The following FOCAD variants were observed in gnomAD, a reference collection of about 807,000 sequenced individuals.
FOCAD encodes the protein KIAA1797.
A neutral mutation model predicts 225.6 loss-of-function variants in FOCAD; 198 were observed. The ratio of observed to expected loss-of-function variants is 0.88; its 90% CI spans 0.78 to 0.99. The LOEUF (loss-of-function observed/expected upper bound fraction) is 0.99, where lower values mean the gene tolerates loss of function less well. Among genes scored for constraint, FOCAD ranks in the 50% least tolerant of loss-of-function variants. FOCAD has a pLI of 0.00. For missense variants in FOCAD, 2,713 were observed against 2,123.6 expected, an observed-to-expected ratio of 1.28 and a Z score of -5.46; for synonymous variants, 897 against 755.0, an observed-to-expected ratio of 1.19 and a Z score of -3.08.
At chr9:20,817,480 T>C (rs2131393280) in intron 11 of FOCAD, among the ~76,000 whole-genome samples, 1 of 152,284 alleles carries the variant, frequency 6.6e-6, no homozygotes, top group East Asian at 1.9e-4. Flanking sequence ...CCATAATGTT[T>C]TCAAGGTTCA....
chr9:20,807,727 T>A (rs531441943), intron 11 of FOCAD, among the ~76,000 whole-genome samples: 2 of 152,256 alleles, frequency 1.3e-5, no homozygotes, highest in Admixed American at 1.3e-4. Flanking sequence ...AATGCTCACT[T>A]TTTCAATATA....
At position 20,720,368 on chromosome 9, in the gene FOCAD, G is replaced by A; in HGVS notation, c.133-12G>A. The stretch of plus-strand genomic sequence containing the variant: ...CATCAGAATTGTCTTCTAATCACTG[G>A]TTTGGTTTCAGACTCCTGCTTTGAA... On this transcript the variant is annotated splice_polypyrimidine_tract_variant and intron_variant, in intron 3 of 43. Transcript: ENST00000338382. 1.2e-6 allele frequency: 2 copies of A among 1,613,366 alleles called. No homozygotes were observed. The highest frequency in any genetic ancestry group is 1.7e-6 in the Non-Finnish European group (2 of 1,179,552).
intron 19 of FOCAD, 52 bp from the exon 20 acceptor site, chr9:20,881,819 T>G: frequency 6.4e-7 from 1 of 1,565,348 alleles, no homozygotes; most frequent in Non-Finnish European, 8.7e-7. Flanking sequence ...CATGTTTCTC[T>G]TCTAGCTTAT....
At chr9:20,682,648 T>C (rs1235671314), upstream of FOCAD, among the ~76,000 whole-genome samples, 1 of 152,140 alleles carries the variant, frequency 6.6e-6, no homozygotes, top group Admixed American at 6.5e-5. Flanking sequence ...AAAGAAATAC[T>C]GGTGCATTTG....
chr9:20,813,650 C>T (rs536060829), intron 11 of FOCAD, among the ~76,000 whole-genome samples: 7 of 152,256 alleles, frequency 4.6e-5, no homozygotes, highest in East Asian at 3.9e-4. Context: ...TGATCTCACA[C>T]GTGGTCCATC....
chr9:20,929,899 A>C (rs1164222535), intron 27 of FOCAD, among the ~76,000 whole-genome samples: 3 of 152,208 alleles, frequency 2.0e-5, no homozygotes, highest in Non-Finnish European at 4.4e-5. Context: ...AGAAAAGTCA[A>C]GTTATGGTGC....
intron 8 of FOCAD, among the ~76,000 whole-genome samples, chr9:20,770,530 C>G (rs1262049584): frequency 6.6e-6 from 1 of 152,218 alleles, no homozygotes; most frequent in African/African-American, 2.4e-5. Flanking sequence ...ACAAGAACAG[C>G]ACCAGGAGGA....
intron 41 of FOCAD, 77 bp from the exon 42 acceptor site, chr9:20,990,044 CAG>C: frequency 1.3e-6 from 2 of 1,550,190 alleles, no homozygotes; most frequent in South Asian, 1.2e-5. Flanking sequence ...TGCCTCACGA[CAG>C]GGGCTGTGTA....
At chr9:20,917,819 T>A (rs1171278640) in intron 24 of FOCAD, among the ~76,000 whole-genome samples, 1 of 152,298 alleles carries the variant, frequency 6.6e-6, no homozygotes, top group Middle Eastern at 3.4e-3. Flanking sequence ...ATGATCTACC[T>A]TAGAGTTAGC....
chr9:20,876,498 G>C (rs1830236044), intron 19 of FOCAD, among the ~76,000 whole-genome samples: 1 of 152,138 alleles, frequency 6.6e-6, no homozygotes, highest in African/African-American at 2.4e-5. Context: ...GCAGTGCTAT[G>C]ATGGCTATTA....
chr9:20,716,102 G>A (rs201558916), intron 2 of FOCAD: 8 of 470,124 alleles, frequency 1.7e-5, no homozygotes, highest in Non-Finnish European at 3.2e-5. Flanking sequence ...TCTGCTGTGG[G>A]AATTGACTTA....
chr9:20,842,811 C>T (rs189259878), intron 15 of FOCAD, among the ~76,000 whole-genome samples: 18 of 151,960 alleles, frequency 1.2e-4, no homozygotes, highest in African/African-American at 4.3e-4. Flanking sequence ...TCCTTCCTGT[C>T]TTCTTCTTTG....
intron 4 of FOCAD, among the ~76,000 whole-genome samples, chr9:20,721,413 G>T (rs1304870670): frequency 6.6e-6 from 1 of 152,016 alleles, no homozygotes; most frequent in Non-Finnish European, 1.5e-5. Flanking sequence ...ATCAATTTGT[G>T]GAAAGATGCT....
intron 15 of FOCAD, among the ~76,000 whole-genome samples, chr9:20,831,812 A>G (rs1825520704): frequency 6.6e-6 from 1 of 152,062 alleles, no homozygotes; most frequent in Non-Finnish European, 1.5e-5. Context: ...GAACATTTTC[A>G]TTACCTCAGA....
At chr9:20,903,205 G>A (rs1265982999) in intron 21 of FOCAD, among the ~76,000 whole-genome samples, 1 of 151,880 alleles carries the variant, frequency 6.6e-6, no homozygotes, top group Non-Finnish European at 1.5e-5. Flanking sequence ...CAGGCTCCTA[G>A]CCTCATCTTC....
intron 24 of FOCAD, among the ~76,000 whole-genome samples, chr9:20,918,865 A>C (rs1834110054): frequency 6.6e-6 from 1 of 152,190 alleles, no homozygotes; most frequent in Admixed American, 6.5e-5. Context: ...CAGGGGAAAA[A>C]ATCATTCTGT....
intron 11 of FOCAD, among the ~76,000 whole-genome samples, chr9:20,817,382 C>A (rs1184417853): frequency 2.6e-5 from 4 of 152,120 alleles, no homozygotes; most frequent in Admixed American, 6.6e-5. Flanking sequence ...CTGACCACCC[C>A]CTGCTTCTTA....
intron 18 of FOCAD, among the ~76,000 whole-genome samples, chr9:20,868,576 A>G (rs918423895): frequency 6.6e-6 from 1 of 152,136 alleles, no homozygotes; most frequent in East Asian, 1.9e-4. Context: ...AGCTCTTTAT[A>G]TCTTCCAACA....
intron 5 of FOCAD, among the ~76,000 whole-genome samples, chr9:20,744,303 G>C (rs528358535): frequency 2.4e-4 from 36 of 152,280 alleles, no homozygotes; most frequent in African/African-American, 8.4e-4. Flanking sequence ...CACGGGATTT[G>C]AATGGAAGTG....
Sources: allele counts gnomAD v4.1 joint callset (sites outside exome capture counted in the v4.1 genomes callset), GRCh38; gene constraint gnomAD v4.1.1; transcripts MANE v1.5; gene names NCBI Gene and HGNC (gene_info 2026-07-23, HGNC 2026-07-21).